The following FBXL7 variants were observed in gnomAD, a reference collection of about 807,000 sequenced individuals.
The protein encoded by FBXL7 is F-box and leucine rich repeat protein 7.
FBXL7 carries 12 observed loss-of-function variants against 38.3 expected under a neutral mutation model. The ratio of observed to expected loss-of-function variants is 0.31; its 90% CI spans 0.20 to 0.51. FBXL7 has a LOEUF of 0.51. Ranked by LOEUF, FBXL7 falls within the 20% of genes least tolerant of loss-of-function variation. FBXL7 has a pLI of 0.98. For synonymous variants in FBXL7, 297 were observed against 300.9 expected, an observed-to-expected ratio of 0.99 and a Z score of 0.13; for missense variants, 567 against 676.4, an observed-to-expected ratio of 0.84 and a Z score of 1.79.
chr5:15,876,306 G>A (rs913829404), intron 2 of FBXL7, among the ~76,000 whole-genome samples: 1 of 151,976 alleles, frequency 6.6e-6, no homozygotes, highest in African/African-American at 2.4e-5. Flanking sequence ...GTAGATGACG[G>A]GTTGATGGGT....
At chr5:15,869,397 G>A (rs573022288) in intron 2 of FBXL7, among the ~76,000 whole-genome samples, 1 of 152,110 alleles carries the variant, frequency 6.6e-6, no homozygotes, top group Non-Finnish European at 1.5e-5. Context: ...CTGCTTTAAT[G>A]TTGTTATCAG....
intron 1 of FBXL7, among the ~76,000 whole-genome samples, chr5:15,511,934 C>G (rs936952593): frequency 9.2e-5 from 14 of 152,128 alleles, no homozygotes; most frequent in African/African-American, 3.4e-4. Flanking sequence ...TACTATAAGA[C>G]AAAAGATCAT....
At chr5:15,646,211 A>G (rs532955736) in intron 2 of FBXL7, among the ~76,000 whole-genome samples, 2 of 152,342 alleles carry the variant, frequency 1.3e-5, no homozygotes, top group South Asian at 2.1e-4. Flanking sequence ...TAGTTAATAC[A>G]TAATAAGTAA....
intron 2 of FBXL7, among the ~76,000 whole-genome samples, chr5:15,631,780 TA>T (rs1741007748): frequency 6.7e-6 from 1 of 148,848 alleles, no homozygotes; most frequent in Non-Finnish European, 1.5e-5. Context: ...TAGGGTGGGA[TA>T]AAAAATGGCA....
At chr5:15,796,968 A>G (rs907201028) in intron 2 of FBXL7, among the ~76,000 whole-genome samples, 4 of 152,188 alleles carry the variant, frequency 2.6e-5, no homozygotes, top group Admixed American at 6.5e-5. Flanking sequence ...TTACATACAT[A>G]CAAGTGGTAG....
intron 2 of FBXL7, among the ~76,000 whole-genome samples, chr5:15,755,579 T>C (rs1022890427): frequency 2.0e-5 from 3 of 152,228 alleles, no homozygotes; most frequent in South Asian, 2.1e-4. Flanking sequence ...CAAATAGCTA[T>C]ATTTTGCTTG....
chr5:15,712,150 T>C (rs1743894158), intron 2 of FBXL7, among the ~76,000 whole-genome samples: 1 of 152,208 alleles, frequency 6.6e-6, no homozygotes, highest in Non-Finnish European at 1.5e-5. Context: ...AAAGTTTCAA[T>C]GTTTTTATGT....
At position 15,633,596 on chromosome 5, in the gene FBXL7, T is replaced by C. The variant is rs566206531; in HGVS notation, c.127+17524T>C. Among the ~76,000 whole-genome samples, 9 of 152,102 alleles carry C rather than the reference T, an allele frequency of 5.9e-5. No individual in the cohort carries two copies. In the South Asian group the frequency reaches 1.2e-3, roughly 21 times the overall value. ...AACACAAGGTTTATACTCGGATGCATCTGCATTTATTTAACCAGTCATGTT... is the reference window on the plus strand; with the variant it reads ...AACACAAGGTTTATACTCGGATGCACCTGCATTTATTTAACCAGTCATGTT... On this transcript the variant is annotated intron_variant, in intron 2 of 3. Transcript: ENST00000504595.
At chr5:15,929,920 A>G (rs933326001) in intron 3 of FBXL7, among the ~76,000 whole-genome samples, 12 of 152,320 alleles carry the variant, frequency 7.9e-5, no homozygotes, top group African/African-American at 2.9e-4. Flanking sequence ...TGGGTGAACA[A>G]ACAGAATCTG....
chr5:15,779,216 A>T (rs1227685105), intron 2 of FBXL7, among the ~76,000 whole-genome samples: 1 of 152,006 alleles, frequency 6.6e-6, no homozygotes, highest in Non-Finnish European at 1.5e-5. Flanking sequence ...GGAGGGATGA[A>T]GGTAAGTTAG....
chr5:15,892,209 C>T (rs1740932428), intron 2 of FBXL7, among the ~76,000 whole-genome samples: 1 of 152,186 alleles, frequency 6.6e-6, no homozygotes, highest in African/African-American at 2.4e-5. Context: ...GAGGGTAGGT[C>T]CTGAGGGAAG....
chr5:15,761,226 G>A (rs1463257690), intron 2 of FBXL7, among the ~76,000 whole-genome samples: 10 of 152,048 alleles, frequency 6.6e-5, no homozygotes, highest in Admixed American at 3.3e-4. Flanking sequence ...GTAATCTACC[G>A]CATTAATTTT....
At chr5:15,689,952 C>G (rs919111958) in intron 2 of FBXL7, among the ~76,000 whole-genome samples, 1 of 152,098 alleles carries the variant, frequency 6.6e-6, no homozygotes, top group African/African-American at 2.4e-5. Flanking sequence ...TTGGCTTTTA[C>G]CCTCTACACG....
chr5:15,774,420 G>T (rs1042195002), intron 2 of FBXL7, among the ~76,000 whole-genome samples: 4 of 152,112 alleles, frequency 2.6e-5, no homozygotes, highest in Non-Finnish European at 4.4e-5. Context: ...GGGTGGGGGG[G>T]CTACCATATA....
At chr5:15,798,820 C>T (rs890564887) in intron 2 of FBXL7, among the ~76,000 whole-genome samples, 3 of 151,986 alleles carry the variant, frequency 2.0e-5, no homozygotes, top group Admixed American at 6.5e-5. Flanking sequence ...AGAATGTGGT[C>T]GTCATTATAT....
At chr5:15,885,745 C>G (rs1270798795) in intron 2 of FBXL7, among the ~76,000 whole-genome samples, 1 of 152,138 alleles carries the variant, frequency 6.6e-6, no homozygotes. Flanking sequence ...ACAGGTCTCA[C>G]TCTTCCATCC....
At chr5:15,662,405 C>T (rs1343559483) in intron 2 of FBXL7, among the ~76,000 whole-genome samples, 1 of 152,104 alleles carries the variant, frequency 6.6e-6, no homozygotes, top group East Asian at 1.9e-4. Context: ...GGATATTATA[C>T]CTTTGTCAGA....
intron 2 of FBXL7, among the ~76,000 whole-genome samples, chr5:15,904,202 T>A (rs886492097): frequency 4.6e-5 from 7 of 152,198 alleles, no homozygotes; most frequent in Non-Finnish European, 7.3e-5. Context: ...TTTGATAGGT[T>A]TTCAAGATTT....
chr5:15,737,844 A>C (rs1481013370), intron 2 of FBXL7, among the ~76,000 whole-genome samples: 1 of 152,194 alleles, frequency 6.6e-6, no homozygotes, highest in Non-Finnish European at 1.5e-5. Flanking sequence ...ACTTCCTGTA[A>C]TTACCAAAGC....
Sources: gnomAD v4.1 joint callset for allele counts (sites outside exome capture counted in the v4.1 genomes callset) on GRCh38, gnomAD v4.1.1 for gene constraint, MANE v1.5 for transcripts, NCBI Gene and HGNC (gene_info 2026-07-23, HGNC 2026-07-21) for gene names.